Variants in MCPH1 observed in about 807,000 individuals in gnomAD.
MCPH1 encodes microcephalin 1.
Under a neutral mutation model 84.5 loss-of-function variants are expected in MCPH1, and 104 were observed. The observed-to-expected ratio is 1.23, with a 90% CI of 1.05 to 1.45. The LOEUF is 1.45. MCPH1 is among the 40% of genes most tolerant of loss of function. The pLI, the probability that MCPH1 is intolerant of heterozygous loss-of-function variation, is 0.00. For missense variants in MCPH1, 1,498 were observed against 1,005.7 expected (o/e 1.49, Z -6.62); for synonymous variants, 514 against 366.8 (o/e 1.40, Z -4.58).
chr8:6,638,430 G>C (rs928671530), intron 13 of MCPH1, among the ~76,000 whole-genome samples: 3 of 152,150 alleles, frequency 2.0e-5, no homozygotes, highest in South Asian at 2.1e-4. Context: ...GTTAAATAAA[G>C]TGACTTGCCC....
intron 12 of MCPH1, among the ~76,000 whole-genome samples, chr8:6,540,575 A>G (rs898458787): frequency 4.6e-5 from 7 of 152,246 alleles, no homozygotes; most frequent in Non-Finnish European, 1.5e-5. Context: ...GAGCAAATAC[A>G]GTGCAACAGA....
intron 12 of MCPH1, among the ~76,000 whole-genome samples, chr8:6,589,926 C>G (rs75492686): frequency 6.6e-6 from 1 of 152,112 alleles, no homozygotes; most frequent in Non-Finnish European, 1.5e-5. Flanking sequence ...AGAGAAGTCT[C>G]GATTCATAAA....
At chr8:6,625,281 C>T (rs577593827) in intron 13 of MCPH1, 59 of 985,450 alleles carry the variant, frequency 6.0e-5, no homozygotes, top group African/African-American at 4.0e-4. Context: ...ACACAGAGAG[C>T]GCAAATGCCC....
intron 13 of MCPH1, 78 bp from the exon 14 acceptor site, chr8:6,642,916 T>C (rs1798027221): frequency 5.3e-6 from 7 of 1,313,564 alleles, no homozygotes; most frequent in South Asian, 1.2e-5. Context: ...TATAGTTTCA[T>C]GTATATACAA....
chr8:6,562,071 C>T (rs1586637009), intron 12 of MCPH1, among the ~76,000 whole-genome samples: 2 of 152,208 alleles, frequency 1.3e-5, no homozygotes, highest in Admixed American at 1.3e-4. Context: ...AGTGGTAGGG[C>T]CCTGAGATTC....
At position 6,505,366 on chromosome 8, in the gene MCPH1, T is replaced by A. The variant is rs547411890; in HGVS notation, c.2214+5437T>A. 2.9e-3 allele frequency among the ~76,000 whole-genome samples: 234 copies of A among 79,686 alleles called. 32 individuals are homozygous for A. Among genetic ancestry groups the A allele is most frequent in the African/African-American group, 0.012 (215 of 18,074 alleles). 52.3% of individuals were successfully genotyped at this position (79,686 alleles called of 152,430 possible). On this transcript the variant is annotated intron_variant, in intron 12 of 13. Coordinates refer to ENST00000344683, the MANE Select transcript of MCPH1 (RefSeq NM_024596.5). ...TATATATATTCTTTCTATATGTATA[T>A]AGAATATATATATTCTTTCTATATG...
chr8:6,533,573 T>TTC (rs1174776541), intron 12 of MCPH1, among the ~76,000 whole-genome samples: 2 of 123,864 alleles, frequency 1.6e-5, no homozygotes, highest in African/African-American at 3.3e-5. Context: ...TAGTTTCTTT[T>TTC]TTTTTTTTTT....
chr8:6,559,546 C>CAA (rs141510915), intron 12 of MCPH1, among the ~76,000 whole-genome samples: 19,481 of 152,104 alleles, frequency 0.13, 1,324 homozygotes, highest in South Asian at 0.18. Flanking sequence ...ATGTTTGCCT[C>CAA]CGTAGTAGGC....
chr8:6,576,490 T>C (rs1162021833), intron 12 of MCPH1, among the ~76,000 whole-genome samples: 1 of 123,866 alleles, frequency 8.1e-6, no homozygotes, highest in African/African-American at 3.1e-5. Flanking sequence ...CCCGTTTCCT[T>C]TTCCCTTTCC....
chr8:6,588,358 G>C (rs1828161831), intron 12 of MCPH1, among the ~76,000 whole-genome samples: 1 of 150,208 alleles, frequency 6.7e-6, no homozygotes, highest in South Asian at 2.1e-4. Context: ...TTTTTTTTAA[G>C]TGTAAAATGG....
At chr8:6,630,175 A>G (rs1193238079) in intron 13 of MCPH1, among the ~76,000 whole-genome samples, 1 of 152,250 alleles carries the variant, frequency 6.6e-6, no homozygotes, top group East Asian at 1.9e-4. Flanking sequence ...CAGCAAGGCA[A>G]ATAAGAGGCT....
Position 6,646,561 on chromosome 8 carries a change from C to T in MCPH1, c.*3512C>T, listed in dbSNP as rs997656613. The T allele has an allele frequency of 6.6e-6, 1 of 152,138 alleles. No homozygotes were observed. The highest frequency in any genetic ancestry group is 1.5e-5 in the Non-Finnish European group (1 of 68,024). The allele number at this position is 152,138 out of a possible 1,614,324, so 9.4% of individuals were successfully genotyped here. A position where few individuals can be genotyped will look rare whatever the true frequency, so the allele number is the denominator to read the frequency against. On this transcript the variant is annotated 3_prime_UTR_variant, in exon 14 of 14. Transcript: ENST00000344683. ...CAGAAGAAAAAAAAAGTACTTGGAT[C>T]CTTACCTCACACCATGCACAAAAAT... is the stretch of plus-strand genomic sequence containing the variant.
chr8:6,471,197 A>C (rs2442494), intron 9 of MCPH1, among the ~76,000 whole-genome samples: 2 of 152,114 alleles, frequency 1.3e-5, no homozygotes, highest in Non-Finnish European at 2.9e-5. Context: ...CTTTCCCCAA[A>C]AGGGCTTTGT....
At chr8:6,514,420 C>A (rs1288099201) in intron 12 of MCPH1, among the ~76,000 whole-genome samples, 1 of 152,110 alleles carries the variant, frequency 6.6e-6, no homozygotes, top group African/African-American at 2.4e-5. Flanking sequence ...AACTCCTGAC[C>A]TCAGGTAATC....
chr8:6,522,003 T>C (rs940342485), intron 12 of MCPH1, among the ~76,000 whole-genome samples: 8 of 152,200 alleles, frequency 5.3e-5, no homozygotes, highest in Non-Finnish European at 7.4e-5. Flanking sequence ...TCCTCACCTG[T>C]TAATTAGGAT....
intron 12 of MCPH1, among the ~76,000 whole-genome samples, chr8:6,560,820 C>G (rs1825417060): frequency 6.6e-6 from 1 of 152,182 alleles, no homozygotes; most frequent in Non-Finnish European, 1.5e-5. Flanking sequence ...GAAATATGAG[C>G]TTTGCTTATG....
intron 11 of MCPH1, among the ~76,000 whole-genome samples, chr8:6,487,860 G>C (rs1810120801): frequency 6.6e-6 from 1 of 152,152 alleles, no homozygotes; most frequent in African/African-American, 2.4e-5. Context: ...TTGCAGCCGA[G>C]AAGGACGCTG....
At position 6,439,019 on chromosome 8, in the gene MCPH1, T is replaced by C. The variant is rs758525473; in HGVS notation, c.503T>C (p.Ile168Thr). Residue 168 changes from isoleucine (I) to threonine (T), a missense_variant, in exon 6 of 14, where the codon ATT becomes ACT. By Grantham distance (89) the Ile-to-Thr change is moderately conservative. Coordinates refer to ENST00000344683, the MANE Select transcript of MCPH1 (RefSeq NM_024596.5). ...GSLIYTPTIEINSRHHSAMEK... is the reference protein window; with the variant it reads ...GSLIYTPTIETNSRHHSAMEK... ...TTAATATATACTCCCACAATTGAAA[T>C]TAATAGTAGGCACCACAGCGCAATG... The C allele has an allele frequency of 6.2e-7, 1 of 1,612,072 alleles. No homozygotes were observed. The highest frequency in any genetic ancestry group is 2.2e-5 in the East Asian group (1 of 44,858).
At position 6,445,736 on chromosome 8, in the gene MCPH1, C is replaced by G. The variant is rs575941165; in HGVS notation, c.1825+189C>G. 7.8e-5 allele frequency: 109 copies of G among 1,389,562 alleles called. No homozygotes were observed. The East Asian group carries it at 2.8e-3, about 35-fold the overall frequency. The allele number at this position is 1,389,562 out of a possible 1,614,324, so 86.1% of individuals were successfully genotyped here. On this transcript the variant is annotated intron_variant, in intron 8 of 13. Transcript: ENST00000344683. ...ATAGATGACTTGCTGTCTTGTGGAA[C>G]TTCTAGACTTATTGGTTAAGTCTGT... is the stretch of plus-strand genomic sequence containing the variant.
Sources: gnomAD v4.1 joint callset for allele counts (sites outside exome capture counted in the v4.1 genomes callset) on GRCh38, gnomAD v4.1.1 for gene constraint, MANE v1.5 for transcripts, NCBI Gene and HGNC (gene_info 2026-07-23, HGNC 2026-07-21) for gene names.